GRK6: variants seen among roughly 807,000 people sequenced by gnomAD.
The protein encoded by GRK6 is G protein-coupled receptor kinase 6.
GRK6 carries 37 observed loss-of-function variants against 80.8 expected under a neutral mutation model. That is an observed-to-expected ratio of 0.46 (90% CI 0.35 to 0.60). GRK6 has a LOEUF of 0.60. Among genes scored for constraint, GRK6 ranks in the 20% least tolerant of loss-of-function variants. GRK6 has a pLI of 0.00. For missense variants in GRK6, 560 were observed against 784.6 expected (o/e 0.71, Z 3.42); for synonymous variants, 295 against 320.9 (o/e 0.92, Z 0.86).
chr5:177,426,165 C>G (rs1763650876), upstream of GRK6, among the ~76,000 whole-genome samples: 1 of 152,226 alleles, frequency 6.6e-6, no homozygotes, highest in African/African-American at 2.4e-5. Context: ...TACGGCCACA[C>G]AAGTGGACCA....
intron 1 of GRK6, among the ~76,000 whole-genome samples, chr5:177,427,565 G>A (rs1323395868): frequency 6.6e-6 from 1 of 152,204 alleles, no homozygotes; most frequent in Non-Finnish European, 1.5e-5. Context: ...CTGGTGGACC[G>A]AGTGTGTGTG....
intron 8 of GRK6, 56 bp downstream of exon 8, chr5:177,433,732 C>T: frequency 1.3e-6 from 2 of 1,596,030 alleles, no homozygotes; most frequent in Non-Finnish European, 8.6e-7. Flanking sequence ...CACCGACCGT[C>T]CCCACCCCCC....
Position 177,428,120 on chromosome 5 carries a change from C to T in GRK6, c.52+1223C>T, listed in dbSNP as rs1763743301. 6.6e-6 allele frequency among the ~76,000 whole-genome samples: 1 copy of T among 152,246 alleles called. No homozygotes were observed. Among genetic ancestry groups the T allele is most frequent in the Non-Finnish European group, 1.5e-5 (1 of 68,038 alleles). ...TCATTGCCTGGGGAGCCTGTCTTAT[C>T]CCCTGTCCCTTATCGAGCCCATGGG... is the stretch of plus-strand genomic sequence containing the variant. On this transcript the variant is annotated intron_variant, in intron 1 of 15. Transcript: ENST00000355472. The surrounding 1 kb of genome is among the most constrained non-coding windows in gnomAD (Gnocchi z 4.1).
rs763720343 is a variant in GRK6 at position 177,441,845 on chromosome 5, G to T, written c.*55G>T. ...GGCGGTAGCAGCTACTCCGAGCGCCGTTTACAGTTTTGCACAGTGATCTTC... is the reference window on the plus strand; with the variant it reads ...GGCGGTAGCAGCTACTCCGAGCGCCTTTTACAGTTTTGCACAGTGATCTTC... On this transcript the variant is annotated 3_prime_UTR_variant, in exon 16 of 16. Coordinates refer to ENST00000355472, the MANE Select transcript of GRK6 (RefSeq NM_001004106.3). 1.3e-6 allele frequency: 2 copies of T among 1,534,668 alleles called. No individual in the cohort carries two copies. The highest frequency in any genetic ancestry group is 1.8e-6 in the Non-Finnish European group (2 of 1,110,644).
At chr5:177,426,109 C>T (rs1346774517), upstream of GRK6, among the ~76,000 whole-genome samples, 1 of 152,202 alleles carries the variant, frequency 6.6e-6, no homozygotes, top group Non-Finnish European at 1.5e-5. Context: ...CCCTGTCTCT[C>T]CCTCTTTCGA....
chr5:177,431,344 CA>C (rs887004754), intron 2 of GRK6, among the ~76,000 whole-genome samples: 2 of 152,176 alleles, frequency 1.3e-5, no homozygotes, highest in African/African-American at 4.8e-5. Context: ...CGTAGCCTCC[CA>C]GGCCCAGCCC....
chr5:177,432,702 C>T lies in GRK6; in HGVS notation c.340-4C>T. On this transcript the variant is annotated splice_polypyrimidine_tract_variant and splice_region_variant and intron_variant, in intron 4 of 15. Transcript: ENST00000355472. ...GCACTGACCTGTCTGGGGCTTGTTC[C>T]CAGGGTCCTGACCTCATCCCTGAGG... 1 of 1,589,520 alleles carries T rather than the reference C, an allele frequency of 6.3e-7. No homozygotes were observed. The highest frequency in any genetic ancestry group is 1.3e-5 in the African/African-American group (1 of 74,472).
At chr5:177,430,505 C>T (rs759647318) in intron 1 of GRK6, among the ~76,000 whole-genome samples, 1 of 152,246 alleles carries the variant, frequency 6.6e-6, no homozygotes, top group Non-Finnish European at 1.5e-5. Flanking sequence ...TAGAATCTCT[C>T]CCTCCCGGGC....
rs768958413 is a variant in GRK6, at chr5:177,436,152, C to T, written c.1137C>T (p.Ile379=). ...TCGGCTGCCTCCTGTACGAGATGAT[C>T]GCAGGCCAGTCGCCCTTCCAGCAGA... ...WALGCLLYEM[I]AGQSPFQQRK... The change falls in exon 12 of 16, where the codon ATC becomes ATT. Residue 379 remains isoleucine (I), a synonymous_variant. Transcript: ENST00000355472. The T allele has an allele frequency of 4.4e-6, 7 of 1,608,640 alleles. No individual in the cohort carries two copies. Among genetic ancestry groups the T allele is most frequent in the Non-Finnish European group, 3.4e-6 (4 of 1,175,572 alleles).
chr5:177,435,139 G>T lies in GRK6; in HGVS notation c.1057+18G>T, dbSNP rs768638203. ...TTACATGGGTGAGTCTTCTCTGCCC[G>T]GCCCACTAGCCTCCTGGGTTCCCTC... On this transcript the variant is annotated intron_variant, in intron 11 of 15. Coordinates refer to ENST00000355472, the MANE Select transcript of GRK6 (RefSeq NM_001004106.3). 1 of 1,567,828 alleles carries T rather than the reference G, an allele frequency of 6.4e-7. No homozygotes were observed. Among genetic ancestry groups the T allele is most frequent in the South Asian group, 1.2e-5 (1 of 86,862 alleles).
chr5:177,433,391 G>T lies in GRK6; in HGVS notation c.578G>T (p.Gly193Val), dbSNP rs1205269101. ...ACCTTCAGGCAATACCGAGTCCTGG[G>T]CAAAGGTGGCTTTGGGGAGGTGAGT... ...KNTFRQYRVL[G>V]KGGFGEVCAC... is the part of the protein sequence containing the mutation. Residue 193 changes from glycine (G) to valine (V), a missense_variant, in exon 7 of 16, where the codon GGC becomes GTC. Physicochemically the swap from Gly to Val is moderately radical, Grantham distance 109. Coordinates refer to ENST00000355472, the MANE Select transcript of GRK6 (RefSeq NM_001004106.3). The T allele has an allele frequency of 6.2e-7, 1 of 1,613,838 alleles. No homozygotes were observed. Among genetic ancestry groups the T allele is most frequent in the Non-Finnish European group, 8.5e-7 (1 of 1,179,818 alleles).
In GRK6 at chr5:177,433,638, G is replaced by A; in HGVS notation, c.700G>A (p.Glu234Lys). 2 of 1,614,166 alleles carry A rather than the reference G, an allele frequency of 1.2e-6. No individual in the cohort carries two copies. The highest frequency in any genetic ancestry group is 1.7e-6 in the Non-Finnish European group (2 of 1,180,034). The change falls in exon 8 of 16, where the codon GAG (glutamate) becomes AAG (lysine). Residue 234 changes from glutamate to lysine, a missense_variant. Around this residue, in one of 3 missense-constraint regions of GRK6, gnomAD observed 77 missense variants for 156.9 expected, o/e 0.49. Transcript: ENST00000355472. ...KRKGEAMALNEKQILEKVNSR... is the reference protein window; with the variant it reads ...KRKGEAMALNKKQILEKVNSR... Reference sequence around the variant, plus strand: ...GAAAGGGGAGGCCATGGCGCTGAACGAGAAGCAGATCCTGGAGAAAGTGAA... The same window carrying A: ...GAAAGGGGAGGCCATGGCGCTGAACAAGAAGCAGATCCTGGAGAAAGTGAA...
intron 9 of GRK6, 73 bp from the exon 10 acceptor site, chr5:177,434,829 G>A (rs1455575694): frequency 6.4e-7 from 1 of 1,565,762 alleles, no homozygotes; most frequent in Non-Finnish European, 8.8e-7. Flanking sequence ...AGGCGAGTGA[G>A]CTGGGGGGGC....
chr5:177,427,090 G>T (rs1053961536), intron 1 of GRK6, among the ~76,000 whole-genome samples, 193 bp downstream of exon 1: 4 of 152,126 alleles, frequency 2.6e-5, no homozygotes, highest in Non-Finnish European at 4.4e-5. Flanking sequence ...CGGGGCCCAG[G>T]AAGGGGCGGG....
At position 177,441,837 on chromosome 5, in the gene GRK6, C is replaced by T. The variant is rs368409139; in HGVS notation, c.*47C>T. ...CAGCAGTTGGCGGTAGCAGCTACTC[C>T]GAGCGCCGTTTACAGTTTTGCACAG... On this transcript the variant is annotated 3_prime_UTR_variant, in exon 16 of 16. Transcript: ENST00000355472. 24 of 1,572,364 alleles carry T rather than the reference C, an allele frequency of 1.5e-5. No homozygotes were observed. In the African/African-American group the frequency reaches 2.0e-4, roughly 13 times the overall value.
At position 177,426,897 on chromosome 5, in the gene GRK6, G is replaced by A. The variant is rs962185664; in HGVS notation, c.52G>A (p.Gly18Ser). 7.2e-7 allele frequency: 1 copy of A among 1,395,944 alleles called. No homozygotes were observed. The highest frequency in any genetic ancestry group is 9.4e-7 in the Non-Finnish European group (1 of 1,068,522). 86.5% of individuals were successfully genotyped at this position (1,395,944 alleles called of 1,614,324 possible). A position where few individuals can be genotyped will look rare whatever the true frequency, so the allele number is the denominator to read the frequency against. The change falls in exon 1 of 16, where the codon GGT (glycine) becomes AGT (serine). Residue 18 changes from glycine to serine, a missense_variant and splice_region_variant. Physicochemically the swap from Gly to Ser is moderately conservative, Grantham distance 56 (BLOSUM62 0). Transcript: ENST00000355472. Reference sequence around the variant, plus strand: ...CACGGTGCTACTCAAGGCCCGGGAAGGTGAGGCGGCCGGGTGGGCGGCCGG... The same window carrying A: ...CACGGTGCTACTCAAGGCCCGGGAAAGTGAGGCGGCCGGGTGGGCGGCCGG... The part of the protein sequence containing the change: ...ANTVLLKARE[G>S]GGGNRKGKSK...
At chr5:177,427,309 G>C (rs774964002) in intron 1 of GRK6, among the ~76,000 whole-genome samples, 1 of 152,222 alleles carries the variant, frequency 6.6e-6, no homozygotes, top group Non-Finnish European at 1.5e-5. Context: ...GGTAAAGCTG[G>C]AGAATGAATA....
At chr5:177,433,740 C>A in intron 8 of GRK6, 64 bp downstream of exon 8, 2 of 1,589,226 alleles carry the variant, frequency 1.3e-6, no homozygotes, top group Non-Finnish European at 1.7e-6. Flanking sequence ...GTCCCCACCC[C>A]CCAGGCCCCA....
At chr5:177,436,764 T>C (rs1655832329) in intron 13 of GRK6, 1 of 554,008 alleles carries the variant, frequency 1.8e-6, no homozygotes, top group East Asian at 3.0e-5. Context: ...CTCTCTCTCC[T>C]TCCCCTCACT....
Sources: allele counts gnomAD v4.1 joint callset (sites outside exome capture counted in the v4.1 genomes callset), GRCh38; gene constraint gnomAD v4.1.1; regional missense constraint gnomAD v4.1.1; non-coding constraint Gnocchi (gnomAD v3.1); transcripts MANE v1.5; gene names NCBI Gene and HGNC (gene_info 2026-07-23, HGNC 2026-07-21).